The following CLTCL1 variants were observed in gnomAD, a reference collection of about 807,000 sequenced individuals.
The protein encoded by CLTCL1 is clathrin heavy chain like 1, also known as clathrin heavy chain 2.
In CLTCL1, 159 loss-of-function variants were observed where a neutral mutation model predicts 190.0. The ratio of observed to expected loss-of-function variants is 0.84; its 90% CI spans 0.74 to 0.95. The LOEUF (loss-of-function observed/expected upper bound fraction) is 0.95. Ranked by LOEUF, CLTCL1 falls within the 40% of genes least tolerant of loss-of-function variation. The pLI, the probability that CLTCL1 is intolerant of heterozygous loss-of-function variation, is 0.00. For synonymous variants in CLTCL1, 752 were observed against 769.6 expected, an observed-to-expected ratio of 0.98 and a Z score of 0.38; for missense variants, 1,878 against 2,033.4, an observed-to-expected ratio of 0.92 and a Z score of 1.47.
intron 10 of CLTCL1, among the ~76,000 whole-genome samples, chr22:19,231,215 T>G (rs1555958996): frequency 6.6e-6 from 1 of 152,094 alleles, no homozygotes; most frequent in Admixed American, 6.6e-5. Flanking sequence ...ACGAGCCAAT[T>G]CTCCTAATAA....
At chr22:19,284,169 C>G (rs2087821362) in intron 1 of CLTCL1, among the ~76,000 whole-genome samples, 3 of 152,132 alleles carry the variant, frequency 2.0e-5, no homozygotes, top group Admixed American at 2.0e-4. Flanking sequence ...TCAGTGAAGC[C>G]AGAATGCTTA....
At chr22:19,276,835 A>T (rs2087526863) in intron 1 of CLTCL1, among the ~76,000 whole-genome samples, 1 of 151,628 alleles carries the variant, frequency 6.6e-6, no homozygotes, top group South Asian at 2.1e-4. Context: ...ACGCCTGGCT[A>T]TTTTTTGTAT....
At chr22:19,210,583 A>G in intron 19 of CLTCL1, 74 bp from the exon 20 acceptor site, 2 of 1,356,344 alleles carry the variant, frequency 1.5e-6, no homozygotes, top group Admixed American at 2.0e-5. Flanking sequence ...CAGGTCAGGC[A>G]TCCCCAGACC....
intron 3 of CLTCL1, among the ~76,000 whole-genome samples, chr22:19,243,697 C>CTTTTTTTTTTTTTT (rs1175325908): frequency 1.0e-4 from 11 of 107,896 alleles, no homozygotes; most frequent in Non-Finnish European, 1.6e-4. Context: ...TTCTTTCTTT[C>CTTTTTTTTTTTTTT]TTTTTTTTTT....
In CLTCL1 at chr22:19,254,491, G is replaced by C. The variant is rs193017328; in HGVS notation, c.251-264C>G. Reference sequence around the variant, plus strand: ...CATAGAAATATGTGAATAACAATGAGAAATTAGTTCTACTGAAGCAAGCCT... The same window carrying C: ...CATAGAAATATGTGAATAACAATGACAAATTAGTTCTACTGAAGCAAGCCT... On this transcript the variant is annotated intron_variant, in intron 2 of 32. Coordinates refer to ENST00000427926, the MANE Select transcript of CLTCL1 (RefSeq NM_007098.4). 3.3e-3 allele frequency among the ~76,000 whole-genome samples: 510 copies of C among 152,296 alleles called. 18 individuals are homozygous for C. Among genetic ancestry groups the C allele is most frequent in the East Asian group, 5.2e-3 (27 of 5,188 alleles).
chr22:19,262,406 G>A (rs2086978772), intron 2 of CLTCL1, among the ~76,000 whole-genome samples: 1 of 150,888 alleles, frequency 6.6e-6, no homozygotes, highest in Admixed American at 6.6e-5. Flanking sequence ...GCTGAGGCAG[G>A]TGGATCACGA....
rs994611963 is a variant in CLTCL1, at chr22:19,196,508, G to A, written c.4022C>T (p.Ser1341Phe). 2 of 1,613,942 alleles carry A rather than the reference G, an allele frequency of 1.2e-6. No homozygotes were observed. The highest frequency in any genetic ancestry group is 1.7e-6 in the Non-Finnish European group (2 of 1,179,912). The part of the protein sequence containing the change: ...KMLEHLELFW[S>F]RVNIPKVLRA... ...CGGTACCTTTGGGATGTTGACACGGGACCAGAAAAGCTCCAGATGCTCCAG... is the reference window on the plus strand; with the variant it reads ...CGGTACCTTTGGGATGTTGACACGGAACCAGAAAAGCTCCAGATGCTCCAG... Residue 1341 changes from serine to phenylalanine, a missense_variant, in exon 25 of 33, where the codon TCC becomes TTC. Ser to Phe is a radical substitution (Grantham distance 155, BLOSUM62 -2). Coordinates refer to ENST00000427926, the MANE Select transcript of CLTCL1 (RefSeq NM_007098.4).
At chr22:19,232,778 C>T (rs1172204035) in intron 9 of CLTCL1, 180 bp from the exon 10 acceptor site, 3 of 824,156 alleles carry the variant, frequency 3.6e-6, no homozygotes, top group Middle Eastern at 3.7e-4. Context: ...ATTTAATGTA[C>T]ATGGAAGGCA....
At chr22:19,182,901 G>C (rs1289377838) in intron 30 of CLTCL1, 2 of 175,530 alleles carry the variant, frequency 1.1e-5, no homozygotes, top group African/African-American at 4.8e-5. Flanking sequence ...ATGAGGCAGA[G>C]AGTCATCCTC....
At chr22:19,185,376 G>C (rs1442784399) in intron 29 of CLTCL1, among the ~76,000 whole-genome samples, 1 of 151,428 alleles carries the variant, frequency 6.6e-6, no homozygotes, top group Non-Finnish European at 1.5e-5. Flanking sequence ...ACCCAGGCTG[G>C]AGTGCAGTGG....
intron 27 of CLTCL1, among the ~76,000 whole-genome samples, chr22:19,190,060 C>G (rs1345877022): frequency 4.6e-5 from 7 of 152,184 alleles, no homozygotes; most frequent in African/African-American, 1.7e-4. Flanking sequence ...CCTGCCTCAG[C>G]CTCCCAAGTA....
At chr22:19,187,777 C>T in intron 28 of CLTCL1, 49 bp from the exon 29 acceptor site, 1 of 1,587,276 alleles carries the variant, frequency 6.3e-7, no homozygotes, top group Non-Finnish European at 8.6e-7. Flanking sequence ...CATGGGCTGC[C>T]TACACATGGA....
chr22:19,290,624 A>C (rs542967674), intron 1 of CLTCL1, among the ~76,000 whole-genome samples: 1 of 152,208 alleles, frequency 6.6e-6, no homozygotes, highest in Middle Eastern at 3.4e-3. Context: ...GAATGAGGGG[A>C]CTGGACTGCA....
Position 19,248,189 on chromosome 22 carries a change from A to C in CLTCL1, c.520-5253T>G, listed in dbSNP as rs1328130958. ...TGCATGCCTGTAGTCCCAGTTATTC[A>C]GGAAGGCTGAGGCAGTAGAATCGCT... On this transcript the variant is annotated intron_variant, in intron 3 of 32. Transcript: ENST00000427926. Among the ~76,000 whole-genome samples the C allele has an allele frequency of 5.9e-5, 9 of 152,074 alleles. No individual in the cohort carries two copies. The South Asian group carries it at 1.7e-3, about 28-fold the overall frequency.
intron 29 of CLTCL1, chr22:19,184,302 G>A: frequency 1.1e-5 from 4 of 354,660 alleles, no homozygotes; most frequent in South Asian, 6.2e-5. Flanking sequence ...TCCACCTGGA[G>A]TTGGCCATGA....
chr22:19,180,496 C>T lies in CLTCL1; in HGVS notation c.4903+235G>A, dbSNP rs1189554198. Reference sequence around the variant, plus strand: ...GGCCCAGCAGGACACAGCAGTAGTTCACAGCTAGGCAGGCACCCCTATCAG... The same window carrying T: ...GGCCCAGCAGGACACAGCAGTAGTTTACAGCTAGGCAGGCACCCCTATCAG... On this transcript the variant is annotated intron_variant, in intron 31 of 32. Coordinates refer to ENST00000427926, the MANE Select transcript of CLTCL1 (RefSeq NM_007098.4). Among the ~76,000 whole-genome samples, 29 of 152,192 alleles carry T rather than the reference C, an allele frequency of 1.9e-4. 1 individual carries two copies. The highest frequency in any genetic ancestry group is 1.8e-3 in the Admixed American group (27 of 15,280).
Position 19,180,717 on chromosome 22 carries a change from C to T in CLTCL1, c.4903+14G>A. 3.1e-6 allele frequency: 5 copies of T among 1,613,540 alleles called. No homozygotes were observed. The highest frequency in any genetic ancestry group is 4.2e-6 in the Non-Finnish European group (5 of 1,179,660). ...TCCCTCCCCAGGGGGTTGGGGGCTA[C>T]AGGTGCCACCTACCAAACACGAGAG... On this transcript the variant is annotated intron_variant, in intron 31 of 32. Coordinates refer to ENST00000427926, the MANE Select transcript of CLTCL1 (RefSeq NM_007098.4).
intron 19 of CLTCL1, among the ~76,000 whole-genome samples, chr22:19,211,087 A>G (rs2085205046): frequency 1.3e-5 from 1 of 77,524 alleles, no homozygotes; most frequent in Admixed American, 1.2e-4. Flanking sequence ...GCATTCTTGC[A>G]AAACTTTATA....
chr22:19,258,508 A>G (rs1253137789), intron 2 of CLTCL1: 2 of 517,422 alleles, frequency 3.9e-6, no homozygotes, highest in Non-Finnish European at 7.3e-6. Flanking sequence ...GAGGCCTGCT[A>G]TACCACGCAG....
Sources: gnomAD v4.1 joint callset for allele counts (sites outside exome capture counted in the v4.1 genomes callset) on GRCh38, gnomAD v4.1.1 for gene constraint, MANE v1.5 for transcripts, NCBI Gene and HGNC (gene_info 2026-07-23, HGNC 2026-07-21) for gene names.